The following GPC5 variants were observed in gnomAD, a reference collection of about 807,000 sequenced individuals.
The protein encoded by GPC5 is glypican 5.
Under a neutral mutation model 53.9 loss-of-function variants are expected in GPC5, and 47 were observed. The ratio of observed to expected loss-of-function variants is 0.87; its 90% confidence interval spans 0.69 to 1.11. GPC5 has a LOEUF of 1.11. GPC5 is among the 50% of genes most tolerant of loss of function. GPC5 has a pLI of 0.00. For missense variants in GPC5, 748 were observed against 713.1 expected (o/e 1.05, Z -0.56); for synonymous variants, 286 against 263.3 (o/e 1.09, Z -0.84).
intron 2 of GPC5, among the ~76,000 whole-genome samples, chr13:91,522,009 G>A (rs942296353): frequency 3.3e-5 from 5 of 152,238 alleles, no homozygotes; most frequent in African/African-American, 1.2e-4. Flanking sequence ...TACATGAAGA[G>A]ATATATAAGG....
chr13:92,264,878 C>CTCTGTGTGTG (rs1310875481), intron 7 of GPC5, among the ~76,000 whole-genome samples: 1 of 104,764 alleles, frequency 9.5e-6, no homozygotes, highest in Non-Finnish European at 2.0e-5. Context: ...CTCTCTCTCT[C>CTCTGTGTGTG]TGTGTGTGTG....
intron 6 of GPC5, among the ~76,000 whole-genome samples, chr13:91,973,562 G>A (rs374528674): frequency 6.6e-6 from 1 of 152,158 alleles, no homozygotes; most frequent in South Asian, 2.1e-4. Context: ...AGAGTTTCCG[G>A]TTTTTCTGCT....
At chr13:92,729,275 T>G (rs1888734288) in intron 7 of GPC5, among the ~76,000 whole-genome samples, 1 of 151,346 alleles carries the variant, frequency 6.6e-6, no homozygotes, top group Non-Finnish European at 1.5e-5. Context: ...AATTATCATC[T>G]TTCCTTTCAT....
chr13:91,614,822 C>T (rs1455816901), intron 2 of GPC5, among the ~76,000 whole-genome samples: 2 of 152,104 alleles, frequency 1.3e-5, no homozygotes, highest in Non-Finnish European at 2.9e-5. Flanking sequence ...TATTCCTATC[C>T]TTAAGTCTTC....
chr13:92,715,760 C>T (rs1380605738), intron 7 of GPC5, among the ~76,000 whole-genome samples: 1 of 152,128 alleles, frequency 6.6e-6, no homozygotes, highest in East Asian at 1.9e-4. Flanking sequence ...CTAGAGTTTA[C>T]ATGGAAGCAG....
chr13:91,752,389 A>C (rs1384825897), intron 4 of GPC5, among the ~76,000 whole-genome samples: 1 of 152,068 alleles, frequency 6.6e-6, no homozygotes, highest in African/African-American at 2.4e-5. Flanking sequence ...CTGGCCCCTG[A>C]TTATTTCTTT....
intron 7 of GPC5, among the ~76,000 whole-genome samples, chr13:92,314,599 A>G (rs1233732976): frequency 6.6e-6 from 1 of 152,220 alleles, no homozygotes; most frequent in Non-Finnish European, 1.5e-5. Flanking sequence ...AATTCCAGTC[A>G]TGTTGTGGGA....
At chr13:92,243,382 G>A (rs895488885) in intron 7 of GPC5, among the ~76,000 whole-genome samples, 1 of 152,132 alleles carries the variant, frequency 6.6e-6, no homozygotes, top group African/African-American at 2.4e-5. Flanking sequence ...CTGTTTTCAA[G>A]AAGTAGATTA....
At chr13:92,183,526 C>A (rs1450758305) in intron 7 of GPC5, among the ~76,000 whole-genome samples, 1 of 152,040 alleles carries the variant, frequency 6.6e-6, no homozygotes, top group Non-Finnish European at 1.5e-5. Flanking sequence ...GATTTAATTA[C>A]TAAAATGTTT....
intron 1 of GPC5, among the ~76,000 whole-genome samples, chr13:91,434,762 A>G (rs1237936087): frequency 1.3e-5 from 2 of 152,178 alleles, no homozygotes; most frequent in African/African-American, 2.4e-5. Flanking sequence ...CATTGAATCT[A>G]TAAATTACCT....
intron 7 of GPC5, among the ~76,000 whole-genome samples, chr13:92,625,700 T>C (rs1432628837): frequency 6.6e-6 from 1 of 152,224 alleles, no homozygotes; most frequent in South Asian, 2.1e-4. Flanking sequence ...AAACTCTACT[T>C]CCTTCAGCAG....
At chr13:91,527,286 G>C (rs983321533) in intron 2 of GPC5, among the ~76,000 whole-genome samples, 4 of 152,190 alleles carry the variant, frequency 2.6e-5, no homozygotes, top group African/African-American at 9.7e-5. Flanking sequence ...AAATGTTCCT[G>C]TTCCAAATGA....
intron 5 of GPC5, among the ~76,000 whole-genome samples, chr13:91,806,931 T>C (rs1594581955): frequency 6.6e-6 from 1 of 152,344 alleles, no homozygotes; most frequent in East Asian, 1.9e-4. Context: ...AATATATTTT[T>C]GGAACCATTT....
At chr13:92,679,750 A>T (rs1378044308) in intron 7 of GPC5, among the ~76,000 whole-genome samples, 1 of 152,054 alleles carries the variant, frequency 6.6e-6, no homozygotes, top group African/African-American at 2.4e-5. Context: ...TAATATAACT[A>T]ATGGATCTCT....
chr13:92,073,464 T>C (rs148252055), intron 6 of GPC5, among the ~76,000 whole-genome samples: 6 of 152,336 alleles, frequency 3.9e-5, no homozygotes, highest in African/African-American at 1.4e-4. Context: ...TGGACAAATG[T>C]AGGGCCTTCT....
At chr13:92,285,209 G>A (rs75000780) in intron 7 of GPC5, among the ~76,000 whole-genome samples, 13,004 of 152,066 alleles carry the variant, frequency 0.086, 617 homozygotes, top group Middle Eastern at 0.12. Context: ...ATTCAAGGAG[G>A]ACTACAAACC....
chr13:91,573,703 C>T (rs1487467976), intron 2 of GPC5, among the ~76,000 whole-genome samples: 2 of 151,964 alleles, frequency 1.3e-5, no homozygotes, highest in African/African-American at 4.8e-5. Flanking sequence ...ATGTATTATA[C>T]AAACATATTA....
At chr13:92,587,055 T>A (rs1005281525) in intron 7 of GPC5, among the ~76,000 whole-genome samples, 1 of 152,042 alleles carries the variant, frequency 6.6e-6, no homozygotes, top group Non-Finnish European at 1.5e-5. Flanking sequence ...ATCAAAAACA[T>A]CTCCATCAGC....
At chr13:91,881,516 A>G (rs531994908) in intron 5 of GPC5, among the ~76,000 whole-genome samples, 1 of 152,272 alleles carries the variant, frequency 6.6e-6, no homozygotes, top group South Asian at 2.1e-4. Context: ...GGGTCTTTAA[A>G]ACATATTCAA....
Sources: gnomAD v4.1 joint callset for allele counts (sites outside exome capture counted in the v4.1 genomes callset) on GRCh38, gnomAD v4.1.1 for gene constraint, MANE v1.5 for transcripts, NCBI Gene and HGNC (gene_info 2026-07-23, HGNC 2026-07-21) for gene names.